Variants in CLEC16A observed in about 807,000 individuals in gnomAD.
The protein encoded by CLEC16A is protein CLEC16A.
In CLEC16A, 51 loss-of-function variants were observed where a neutral mutation model predicts 109.5. That is an observed-to-expected ratio of 0.47 (90% confidence interval 0.37 to 0.59). CLEC16A has a LOEUF of 0.59. Ranked by LOEUF, CLEC16A falls within the 20% of genes least tolerant of loss-of-function variation. The pLI is 0.00. For synonymous variants in CLEC16A, 673 were observed against 564.2 expected (o/e 1.19, Z -2.73); for missense variants, 1,339 against 1,394.0 (o/e 0.96, Z 0.63).
chr16:11,120,671 C>A lies in CLEC16A; in HGVS notation c.2173C>A (p.Arg725=). ...CACCAAGGATGGCGGCATGGTCCAG[C>A]GATTCCTGGCTGTGGATATTTACCA... ...VITKDGGMVQ[R]FLAVDIYQMS... is the part of the protein sequence containing the mutation. The change falls in exon 20 of 24, where the codon CGA becomes AGA. Residue 725 remains arginine (R), a synonymous_variant. Coordinates refer to ENST00000409790, the MANE Select transcript of CLEC16A (RefSeq NM_015226.3). 1 of 1,612,772 alleles carries A rather than the reference C, an allele frequency of 6.2e-7. No individual in the cohort carries two copies. The highest frequency in any genetic ancestry group is 8.5e-7 in the Non-Finnish European group (1 of 1,179,404).
chr16:10,980,009 A>C (rs186308561), intron 9 of CLEC16A, among the ~76,000 whole-genome samples: 80 of 152,320 alleles, frequency 5.3e-4, no homozygotes, highest in African/African-American at 1.7e-3. Flanking sequence ...TAACTTTAAA[A>C]ATATTTTTAT....
intron 10 of CLEC16A, among the ~76,000 whole-genome samples, chr16:10,997,825 T>C (rs80251132): frequency 0.044 from 6,700 of 152,376 alleles, 529 homozygotes; most frequent in African/African-American, 0.15. Flanking sequence ...TATGCACTTA[T>C]GTTTCAGCCC....
In CLEC16A at chr16:11,152,960, C is replaced by T. The variant is rs75498428; in HGVS notation, c.2642-13428C>T. On this transcript the variant is annotated intron_variant, in intron 22 of 23. Transcript: ENST00000409790. ...GGGGCTGACTGGAAAGGATCTCCAG[C>T]GAGGGTATGAAGAAAGAAACCCAAA... Among the ~76,000 whole-genome samples the T allele has an allele frequency of 8.6e-3, 1,305 of 152,212 alleles. 21 individuals carry two copies. The highest frequency in any genetic ancestry group is 0.03 in the African/African-American group (1,236 of 41,516).
chr16:11,070,931 CA>C (rs2049037213), intron 19 of CLEC16A: 3 of 152,272 alleles, frequency 2.0e-5, no homozygotes. Context: ...ATCCTGACCA[CA>C]TCGCCCTGTT....
chr16:11,106,377 C>A (rs1029390748), intron 19 of CLEC16A, among the ~76,000 whole-genome samples: 6 of 151,844 alleles, frequency 4.0e-5, no homozygotes, highest in Non-Finnish European at 8.8e-5. Flanking sequence ...CAGCCTCGAA[C>A]TCCTGGGCCC....
chr16:11,072,161 C>T lies in CLEC16A; in HGVS notation c.2116+11139C>T, dbSNP rs1291730467. Among the ~76,000 whole-genome samples the T allele has an allele frequency of 2.6e-5, 4 of 151,860 alleles. No homozygotes were observed. In the East Asian group the frequency reaches 7.8e-4, roughly 29 times the overall value. On this transcript the variant is annotated intron_variant, in intron 19 of 23. Coordinates refer to ENST00000409790, the MANE Select transcript of CLEC16A (RefSeq NM_015226.3). ...TTTTGAGACGGGATCTCGTTCTGTC[C>T]CCCAGGCTAGAGTGCAGTGGCACAG...
At chr16:11,046,891 G>C (rs9931964) in intron 16 of CLEC16A, among the ~76,000 whole-genome samples, 14,286 of 152,174 alleles carry the variant, frequency 0.094, 2,341 homozygotes, top group African/African-American at 0.33. Flanking sequence ...CAGAGGTGTG[G>C]AGCCTTGTAT....
At chr16:11,008,176 G>A (rs970091671) in intron 11 of CLEC16A, among the ~76,000 whole-genome samples, 1 of 152,136 alleles carries the variant, frequency 6.6e-6, no homozygotes, top group South Asian at 2.1e-4. Context: ...AACCAGCCAG[G>A]CATCTTTCCC....
At position 11,126,065 on chromosome 16, in the gene CLEC16A, C is replaced by G. The variant is rs761303559; in HGVS notation, c.2560C>G (p.Arg854Gly). The G allele has an allele frequency of 6.2e-7, 1 of 1,613,948 alleles. No individual in the cohort carries two copies. Among genetic ancestry groups the G allele is most frequent in the South Asian group, 1.1e-5 (1 of 91,082 alleles). ...SSTSTQHLPF[R>G]FYDQGRRGSS... is the part of the protein sequence containing the mutation. ...CACCTCCACTCAGCACCTGCCTTTC[C>G]GCTTCTACGACCAGGGGCGCCGGGG... The change falls in exon 22 of 24, where the codon CGC becomes GGC. Residue 854 changes from arginine (R) to glycine (G), a missense_variant. By Grantham distance (125) the Arg-to-Gly change is moderately radical. Around this residue, in one of 3 missense-constraint regions of CLEC16A, gnomAD observed 1,061 missense variants for 1,006.8 expected, o/e 1.05. Coordinates refer to ENST00000409790, the MANE Select transcript of CLEC16A (RefSeq NM_015226.3).
chr16:10,947,863 A>T (rs2041475191), intron 1 of CLEC16A, among the ~76,000 whole-genome samples: 1 of 151,932 alleles, frequency 6.6e-6, no homozygotes, highest in Non-Finnish European at 1.5e-5. Flanking sequence ...TATTATTATT[A>T]TTTTTTAAAT....
intron 11 of CLEC16A, among the ~76,000 whole-genome samples, chr16:11,012,594 CAAAAA>C (rs551902895): frequency 0.03 from 1,999 of 67,436 alleles, 1 homozygote; most frequent in Non-Finnish European, 0.049. Context: ...GACTCCGTCT[CAAAAA>C]AAAAAAAAAA....
At chr16:11,167,353 T>TGGG (rs1023822899) in intron 23 of CLEC16A, among the ~76,000 whole-genome samples, 5 of 152,180 alleles carry the variant, frequency 3.3e-5, no homozygotes, top group African/African-American at 4.8e-5. Flanking sequence ...CACCTCTGAC[T>TGGG]GGAGATCCTT....
chr16:10,951,950 G>T (rs2041755788), intron 1 of CLEC16A, among the ~76,000 whole-genome samples: 1 of 152,128 alleles, frequency 6.6e-6, no homozygotes, highest in South Asian at 2.1e-4. Context: ...ACAGATATTT[G>T]CAAACAGTTG....
intron 19 of CLEC16A, among the ~76,000 whole-genome samples, chr16:11,118,996 G>A (rs1006022808): frequency 3.9e-5 from 6 of 152,032 alleles, no homozygotes; most frequent in Admixed American, 2.0e-4. Flanking sequence ...GTTGGTCCAT[G>A]TGTTTTTCTT....
At chr16:11,001,245 C>A (rs767633815) in intron 10 of CLEC16A, among the ~76,000 whole-genome samples, 4 of 152,120 alleles carry the variant, frequency 2.6e-5, no homozygotes, top group South Asian at 2.1e-4. Context: ...GCCACCATGC[C>A]CAGCTAATTT....
At chr16:10,956,782 C>A (rs2042009699) in intron 1 of CLEC16A, among the ~76,000 whole-genome samples, 1 of 152,004 alleles carries the variant, frequency 6.6e-6, no homozygotes, top group Non-Finnish European at 1.5e-5. Flanking sequence ...AGCACCATAG[C>A]CTCTGCAGCC....
chr16:11,155,610 C>G (rs553598768), intron 22 of CLEC16A, among the ~76,000 whole-genome samples: 2 of 152,376 alleles, frequency 1.3e-5, no homozygotes, highest in East Asian at 3.9e-4. Context: ...TTCTGTGGCT[C>G]CGCACATACT....
At chr16:11,036,310 C>A (rs2047015525) in intron 13 of CLEC16A, among the ~76,000 whole-genome samples, 1 of 152,014 alleles carries the variant, frequency 6.6e-6, no homozygotes, top group Non-Finnish European at 1.5e-5. Context: ...CGGCTCTCTC[C>A]CACCCAGACC....
intron 19 of CLEC16A, among the ~76,000 whole-genome samples, chr16:11,067,189 GTT>G (rs71406205): frequency 0.5 from 49,879 of 99,644 alleles, 10,637 homozygotes; most frequent in East Asian, 0.69. Context: ...GTTTGTTTTT[GTT>G]TTTTTTTTTT....
Sources: gnomAD v4.1 joint callset for allele counts (sites outside exome capture counted in the v4.1 genomes callset) on GRCh38, gnomAD v4.1.1 for gene constraint, gnomAD v4.1.1 regional missense constraint, MANE v1.5 for transcripts, NCBI Gene and HGNC (gene_info 2026-07-23, HGNC 2026-07-21) for gene names.